Variants in KHDRBS2 observed in about 807,000 individuals in gnomAD.
KHDRBS2 encodes KH RNA binding domain containing, signal transduction associated 2, also known as KH domain-containing, RNA-binding, signal transduction-associated protein 2.
In KHDRBS2, 26 loss-of-function variants were observed where a neutral mutation model predicts 44.3. The ratio of observed to expected loss-of-function variants is 0.59; its 90% CI spans 0.43 to 0.81. The LOEUF is 0.81. Ranked by LOEUF, KHDRBS2 falls within the 40% of genes least tolerant of loss-of-function variation. KHDRBS2 has a pLI of 0.00. For missense variants in KHDRBS2, 476 were observed against 433.1 expected (o/e 1.10, Z -0.88); for synonymous variants, 194 against 151.1 (o/e 1.28, Z -2.08).
chr6:62,267,609 T>C (rs1839411140), intron 1 of KHDRBS2, among the ~76,000 whole-genome samples: 1 of 152,034 alleles, frequency 6.6e-6, no homozygotes, highest in Admixed American at 6.6e-5. Flanking sequence ...AAGCAAATTG[T>C]ATTTATTTTT....
rs370636210 is a variant in KHDRBS2 at position 62,135,856 on chromosome 6, T to TA, written c.219+41328dup. Among the ~76,000 whole-genome samples, 747 of 150,926 alleles carry TA rather than the reference T, an allele frequency of 4.9e-3. 2 individuals are homozygous for TA. Among genetic ancestry groups the TA allele is most frequent in the African/African-American group, 0.017 (713 of 41,092 alleles). The stretch of plus-strand genomic sequence containing the variant: ...CATAGTCTTTTTCACATATGGAAAG[T>TA]AAAAAAACAAAAAAAGGACTGTAAG... On this transcript the variant is annotated intron_variant, in intron 2 of 8. Coordinates refer to ENST00000281156, the MANE Select transcript of KHDRBS2 (RefSeq NM_152688.4).
chr6:61,831,253 T>C (rs1196497179), intron 6 of KHDRBS2, among the ~76,000 whole-genome samples: 1 of 152,090 alleles, frequency 6.6e-6, no homozygotes, highest in Admixed American at 6.6e-5. Flanking sequence ...TAATGTCTTA[T>C]TACATTATGG....
intron 2 of KHDRBS2, among the ~76,000 whole-genome samples, chr6:62,163,767 C>T (rs193260927): frequency 9.5e-4 from 145 of 152,056 alleles, no homozygotes; most frequent in African/African-American, 3.5e-3. Flanking sequence ...AGGAAAACCA[C>T]TTACATATTT....
chr6:61,618,254 G>C, the KHDRBS2 span, among the ~76,000 whole-genome samples: 1 of 152,150 alleles, frequency 6.6e-6, no homozygotes, highest in Non-Finnish European at 1.5e-5. Flanking sequence ...GGAAATGACT[G>C]TCTTTTCATG....
chr6:61,592,324 T>C, the KHDRBS2 span, among the ~76,000 whole-genome samples: 2 of 152,008 alleles, frequency 1.3e-5, no homozygotes, highest in African/African-American at 4.8e-5. Context: ...TTTTATATCA[T>C]CTTGAGGTTA....
At chr6:61,850,135 TC>T (rs1344033992) in intron 6 of KHDRBS2, among the ~76,000 whole-genome samples, 1 of 152,066 alleles carries the variant, frequency 6.6e-6, no homozygotes, top group Non-Finnish European at 1.5e-5. Context: ...AGCTTCAATC[TC>T]CTACAAGGTA....
intron 4 of KHDRBS2, among the ~76,000 whole-genome samples, chr6:61,906,622 A>G (rs1805080385): frequency 6.6e-6 from 1 of 152,066 alleles, no homozygotes; most frequent in Non-Finnish European, 1.5e-5. Context: ...TTTAATTTTT[A>G]GCTCTCACAT....
At chr6:61,550,715 A>G in the KHDRBS2 span, among the ~76,000 whole-genome samples, 3 of 131,918 alleles carry the variant, frequency 2.3e-5, no homozygotes, top group Admixed American at 7.7e-5. Flanking sequence ...TCCAGCACAT[A>G]TTTTTTTTTT....
At chr6:61,771,948 T>C (rs545467700) in intron 6 of KHDRBS2, among the ~76,000 whole-genome samples, 1 of 152,212 alleles carries the variant, frequency 6.6e-6, no homozygotes, top group East Asian at 1.9e-4. Context: ...TAAAGCACTC[T>C]TCAGCAAATG....
rs188238115 is a variant in KHDRBS2, at chr6:62,102,224, G to A, written c.220-54230C>T. 1.4e-3 allele frequency among the ~76,000 whole-genome samples: 217 copies of A among 152,312 alleles called. 1 individual carries two copies. Among genetic ancestry groups the A allele is most frequent in the African/African-American group, 5.0e-3 (207 of 41,572 alleles). On this transcript the variant is annotated intron_variant, in intron 2 of 8. Transcript: ENST00000281156. ...TAAATATAATTAGAGGGTTTCATAT[G>A]ATAGTTGAGTTGTTAACGCATTACA...
At chr6:62,257,303 A>C (rs571124796) in intron 1 of KHDRBS2, among the ~76,000 whole-genome samples, 87 of 152,162 alleles carry the variant, frequency 5.7e-4, no homozygotes, top group African/African-American at 1.9e-3. Flanking sequence ...GGATTTAAGG[A>C]AATGTAAAAC....
intron 1 of KHDRBS2, among the ~76,000 whole-genome samples, chr6:62,247,838 T>C (rs1295101565): frequency 1.3e-5 from 2 of 152,048 alleles, no homozygotes; most frequent in East Asian, 1.9e-4. Flanking sequence ...GAAAAGGCCA[T>C]AGGTAGGTAT....
intron 2 of KHDRBS2, among the ~76,000 whole-genome samples, chr6:62,083,271 A>T (rs1797758048): frequency 6.6e-6 from 1 of 152,098 alleles, no homozygotes; most frequent in Non-Finnish European, 1.5e-5. Context: ...TCATGGTGGG[A>T]ACTCAGAGAA....
At chr6:61,772,525 C>A (rs1270619228) in intron 6 of KHDRBS2, among the ~76,000 whole-genome samples, 2 of 152,154 alleles carry the variant, frequency 1.3e-5, no homozygotes, top group Non-Finnish European at 2.9e-5. Flanking sequence ...TCAGAGAATA[C>A]TATAAACACT....
chr6:61,678,252 G>T (rs2127536588), downstream of KHDRBS2, among the ~76,000 whole-genome samples: 1 of 152,038 alleles, frequency 6.6e-6, no homozygotes, highest in African/African-American at 2.4e-5. Flanking sequence ...TTTCATAACT[G>T]TCCCTGCACT....
At chr6:62,260,535 C>T (rs1302723002) in intron 1 of KHDRBS2, among the ~76,000 whole-genome samples, 2 of 151,834 alleles carry the variant, frequency 1.3e-5, no homozygotes, top group Non-Finnish European at 2.9e-5. Flanking sequence ...CTCTTTTGTC[C>T]AAGAAAAAGC....
In KHDRBS2 at chr6:62,239,150, G is replaced by T. The variant is rs116657008; in HGVS notation, c.91+46708C>A. On this transcript the variant is annotated intron_variant, in intron 1 of 8. Transcript: ENST00000281156. ...TGTTGAATTTCTTGGTTATCATAGTGATATTGTTGTATATGAGAAAGTCCT... is the reference window on the plus strand; with the variant it reads ...TGTTGAATTTCTTGGTTATCATAGTTATATTGTTGTATATGAGAAAGTCCT... 4.6e-3 allele frequency among the ~76,000 whole-genome samples: 702 copies of T among 152,304 alleles called. 3 individuals are homozygous for T. The highest frequency in any genetic ancestry group is 8.0e-3 in the Admixed American group (123 of 15,286).
At chr6:62,260,382 T>C (rs1838146357) in intron 1 of KHDRBS2, among the ~76,000 whole-genome samples, 1 of 151,974 alleles carries the variant, frequency 6.6e-6, no homozygotes, top group East Asian at 1.9e-4. Flanking sequence ...TAATTCTTAG[T>C]TCTATTACCA....
At chr6:61,673,001 T>A in the KHDRBS2 span, among the ~76,000 whole-genome samples, 3 of 151,966 alleles carry the variant, frequency 2.0e-5, no homozygotes. Flanking sequence ...AAGTCTTTAA[T>A]CCATCTTGAA....
Sources: allele counts gnomAD v4.1 joint callset (sites outside exome capture counted in the v4.1 genomes callset), GRCh38; gene constraint gnomAD v4.1.1; transcripts MANE v1.5; gene names NCBI Gene and HGNC (gene_info 2026-07-23, HGNC 2026-07-21).